Variants in DISC1 observed in about 807,000 individuals in gnomAD.
DISC1 encodes DISC1 scaffold protein.
Under a neutral mutation model 84.5 loss-of-function variants are expected in DISC1, and 57 were observed. The observed-to-expected ratio is 0.67, with a 90% CI of 0.55 to 0.84. The LOEUF (loss-of-function observed/expected upper bound fraction) is 0.84, where lower values mean the gene tolerates loss of function less well. DISC1 is among the 40% of genes least tolerant of loss of function. DISC1 has a pLI of 0.00. For synonymous variants in DISC1, 411 were observed against 415.2 expected (o/e 0.99, Z 0.12); for missense variants, 1,000 against 1,057.8 (o/e 0.95, Z 0.76).
intron 9 of DISC1, among the ~76,000 whole-genome samples, chr1:231,891,907 C>G (rs201318536): frequency 1.9e-4 from 29 of 152,180 alleles, no homozygotes; most frequent in Non-Finnish European, 3.2e-4. Flanking sequence ...AATGCAGACT[C>G]CATCCTCAGT....
intron 9 of DISC1, among the ~76,000 whole-genome samples, chr1:231,911,906 G>A (rs944888193): frequency 4.0e-5 from 6 of 151,812 alleles, no homozygotes; most frequent in Admixed American, 1.3e-4. Flanking sequence ...TTCTCTTATC[G>A]CTTCATTTCA....
chr1:231,780,125 A>G (rs1033279022), intron 6 of DISC1, among the ~76,000 whole-genome samples: 3 of 151,974 alleles, frequency 2.0e-5, no homozygotes, highest in Admixed American at 2.0e-4. Context: ...ATTGGGAGAT[A>G]TACCTAATGC....
chr1:231,759,554 A>AAAAAAAT (rs2075460862), intron 4 of DISC1, among the ~76,000 whole-genome samples: 2 of 149,158 alleles, frequency 1.3e-5, no homozygotes, highest in Non-Finnish European at 1.5e-5. Context: ...AAAAAAAACA[A>AAAAAAAT]AACTAGCCAA....
chr1:231,743,927 G>A (rs2073649335), intron 3 of DISC1, among the ~76,000 whole-genome samples: 1 of 152,182 alleles, frequency 6.6e-6, no homozygotes, highest in Admixed American at 6.5e-5. Flanking sequence ...TGGGACCCAG[G>A]TGTGTGCCTT....
intron 9 of DISC1, among the ~76,000 whole-genome samples, chr1:231,920,604 C>T (rs2089935633): frequency 6.6e-6 from 1 of 152,180 alleles, no homozygotes; most frequent in African/African-American, 2.4e-5. Context: ...AACTTCCTTC[C>T]TTCTTAAGGC....
chr1:231,815,987 G>A (rs1435950348), intron 8 of DISC1, among the ~76,000 whole-genome samples: 1 of 152,148 alleles, frequency 6.6e-6, no homozygotes, highest in Non-Finnish European at 1.5e-5. Context: ...TAAATGCCTG[G>A]AAGTAGAATT....
chr1:231,879,586 A>G (rs2086145594), intron 9 of DISC1, among the ~76,000 whole-genome samples: 1 of 151,576 alleles, frequency 6.6e-6, no homozygotes, highest in African/African-American at 2.4e-5. Context: ...CAAGCAGAAG[A>G]CAGGGAAAGG....
chr1:231,648,037 G>A (rs1483079113), intron 1 of DISC1, among the ~76,000 whole-genome samples: 1 of 152,158 alleles, frequency 6.6e-6, no homozygotes, highest in East Asian at 1.9e-4. Flanking sequence ...TTTTCCTAAT[G>A]GAATACTCTT....
chr1:232,009,610 G>C lies in DISC1; in HGVS notation c.2307+561G>C, dbSNP rs1667850959. 1 of 911,928 alleles carries C rather than the reference G, an allele frequency of 1.1e-6. No homozygotes were observed. The highest frequency in any genetic ancestry group is 1.3e-6 in the Non-Finnish European group (1 of 763,354). 56.5% of individuals were successfully genotyped at this position (911,928 alleles called of 1,614,324 possible). On this transcript the variant is annotated intron_variant, in intron 11 of 12. Coordinates refer to ENST00000439617, the MANE Select transcript of DISC1 (RefSeq NM_018662.3). The surrounding 1 kb of genome is among the most constrained non-coding windows in gnomAD (Gnocchi z 4.6). ...TCTTTCATAAACACAACTAAAGTTTGGCCTGAGATATATGTATTACAAATT... is the reference window on the plus strand; with the variant it reads ...TCTTTCATAAACACAACTAAAGTTTCGCCTGAGATATATGTATTACAAATT...
Position 231,702,216 on chromosome 1 carries a change from C to A in DISC1, c.1117+192C>A, listed in dbSNP as rs911163520. 5 of 1,331,042 alleles carry A rather than the reference C, an allele frequency of 3.8e-6. No individual in the cohort carries two copies. In the African/African-American group the frequency reaches 7.7e-5, roughly 20 times the overall value. 82.5% of individuals were successfully genotyped at this position (1,331,042 alleles called of 1,614,324 possible). A position where few individuals can be genotyped will look rare whatever the true frequency, so the allele number is the denominator to read the frequency against. The stretch of plus-strand genomic sequence containing the variant: ...TTCAAAGTACTTCATGAACATTAAT[C>A]CTTTGGGTTATAAATATAACCTTAT... On this transcript the variant is annotated intron_variant, in intron 3 of 12. Transcript: ENST00000439617.
intron 4 of DISC1, among the ~76,000 whole-genome samples, chr1:231,765,830 T>C (rs1397403572): frequency 6.6e-6 from 1 of 152,184 alleles, no homozygotes; most frequent in Non-Finnish European, 1.5e-5. Context: ...AAATTTTTTC[T>C]GAGAAGCTCG....
At chr1:231,839,819 A>G (rs1379514366) in intron 9 of DISC1, among the ~76,000 whole-genome samples, 3 of 152,168 alleles carry the variant, frequency 2.0e-5, no homozygotes, top group Admixed American at 6.5e-5. Context: ...AGCGTGTCAC[A>G]TGGCGAGAGA....
At chr1:231,656,771 C>T (rs1451716935) in intron 1 of DISC1, among the ~76,000 whole-genome samples, 1 of 152,172 alleles carries the variant, frequency 6.6e-6, no homozygotes, top group African/African-American at 2.4e-5. Flanking sequence ...CTTCCTGATG[C>T]TCTCCCTCCC....
At chr1:231,958,315 C>G (rs533821717) in intron 9 of DISC1, among the ~76,000 whole-genome samples, 2 of 152,374 alleles carry the variant, frequency 1.3e-5, no homozygotes, top group Admixed American at 6.5e-5. Flanking sequence ...GATCTCATCA[C>G]TCATTGGATG....
intron 3 of DISC1, among the ~76,000 whole-genome samples, chr1:231,727,879 G>C (rs767018782): frequency 2.0e-5 from 3 of 151,786 alleles, no homozygotes; most frequent in Admixed American, 6.6e-5. Flanking sequence ...TTGAGCCCAG[G>C]AGTTCGGGGC....
intron 3 of DISC1, among the ~76,000 whole-genome samples, chr1:231,746,286 A>ATTCTTAATGG (rs2073969956): frequency 6.6e-6 from 1 of 152,214 alleles, no homozygotes; most frequent in African/African-American, 2.4e-5. Flanking sequence ...ACAGGATTTC[A>ATTCTTAATGG]TTCTTAATGG....
chr1:231,645,938 C>T (rs1448764499), intron 1 of DISC1, among the ~76,000 whole-genome samples: 1 of 150,020 alleles, frequency 6.7e-6, no homozygotes, highest in Non-Finnish European at 1.5e-5. Context: ...TCACTTTCAA[C>T]AATTTCTAGA....
At chr1:231,864,769 A>G (rs1187693482) in intron 9 of DISC1, among the ~76,000 whole-genome samples, 1 of 152,222 alleles carries the variant, frequency 6.6e-6, no homozygotes, top group Non-Finnish European at 1.5e-5. Context: ...GATGTTAAGA[A>G]GGCTTCCTTA....
At chr1:231,874,693 C>T (rs955133871) in intron 9 of DISC1, among the ~76,000 whole-genome samples, 5 of 151,640 alleles carry the variant, frequency 3.3e-5, no homozygotes, top group African/African-American at 9.7e-5. Flanking sequence ...GGGCGGATCA[C>T]GAGGTCAGGA....
Sources: allele counts gnomAD v4.1 joint callset (sites outside exome capture counted in the v4.1 genomes callset), GRCh38; gene constraint gnomAD v4.1.1; non-coding constraint Gnocchi (gnomAD v3.1); transcripts MANE v1.5; gene names NCBI Gene and HGNC (gene_info 2026-07-23, HGNC 2026-07-21).